WDR89: variants seen among roughly 807,000 people sequenced by gnomAD.
WDR89 encodes WD repeat domain 89, also known as WD repeat-containing protein 89.
Under a neutral mutation model 29.1 loss-of-function variants are expected in WDR89, and 17 were observed. The observed-to-expected ratio is 0.58, with a 90% CI of 0.40 to 0.88. The LOEUF is 0.88. Ranked by LOEUF, WDR89 falls within the 40% of genes least tolerant of loss-of-function variation. The pLI, the probability that WDR89 is intolerant of heterozygous loss-of-function variation, is 0.00. For missense variants in WDR89, 396 were observed against 456.3 expected (o/e 0.87, Z 1.20); for synonymous variants, 138 against 157.8 (o/e 0.87, Z 0.94).
intron 1 of WDR89, among the ~76,000 whole-genome samples, chr14:63,627,573 T>A (rs1566798923): frequency 6.6e-6 from 1 of 152,202 alleles, no homozygotes; most frequent in East Asian, 1.9e-4. Flanking sequence ...TATTCATCCC[T>A]CTGCTCATCC....
intron 1 of WDR89, among the ~76,000 whole-genome samples, chr14:63,633,506 C>T (rs1883537707): frequency 6.6e-6 from 1 of 152,116 alleles, no homozygotes; most frequent in African/African-American, 2.4e-5. Context: ...TTATTGACAG[C>T]TACAGACTTT....
At chr14:63,625,540 A>T (rs144839286) in intron 1 of WDR89, among the ~76,000 whole-genome samples, 1 of 152,196 alleles carries the variant, frequency 6.6e-6, no homozygotes. Context: ...CAAACAAAAC[A>T]TAAAAAGTCA....
In WDR89 at chr14:63,603,454, G is replaced by A. The variant is rs549956411; in HGVS notation, c.-31-3481C>T. On this transcript the variant is annotated intron_variant, in intron 2 of 2. Coordinates refer to ENST00000620954, the MANE Select transcript of WDR89 (RefSeq NM_080666.4). The stretch of plus-strand genomic sequence containing the variant: ...AACAACTTTCATCCAAAGAGTTCAG[G>A]ATCTATTAATTGTCCTTGCCTAAAT... Among the ~76,000 whole-genome samples the A allele has an allele frequency of 3.9e-5, 6 of 152,234 alleles. 1 individual carries two copies. The highest frequency in any genetic ancestry group is 2.1e-4 in the South Asian group (1 of 4,826).
intron 1 of WDR89, among the ~76,000 whole-genome samples, chr14:63,638,729 A>G (rs1366479278): frequency 6.6e-6 from 1 of 152,218 alleles, no homozygotes; most frequent in Non-Finnish European, 1.5e-5. Context: ...TTTCACAGTA[A>G]TAAGAAAGTC....
chr14:63,634,247 T>C (rs10149710), intron 1 of WDR89, among the ~76,000 whole-genome samples: 11,713 of 151,900 alleles, frequency 0.077, 820 homozygotes, highest in African/African-American at 0.19. Flanking sequence ...ACTGGCCAGG[T>C]GTGGTGGCTC....
At position 63,597,604 on chromosome 14, in the gene WDR89, A is replaced by G. The variant is rs1894853708; in HGVS notation, c.*1175T>C. 6.6e-6 allele frequency: 1 copy of G among 152,230 alleles called. No individual in the cohort carries two copies. The highest frequency in any genetic ancestry group is 6.5e-5 in the Admixed American group (1 of 15,276). 9.4% of individuals were successfully genotyped at this position (152,230 alleles called of 1,614,324 possible). A position where few individuals can be genotyped will look rare whatever the true frequency, so the allele number is the denominator to read the frequency against. ...TTTTAAAAAGCCCTATTGTTTTAAT[A>G]GTTTCACTTCCAATTGTTTTATGAA... is the stretch of plus-strand genomic sequence containing the variant. On this transcript the variant is annotated 3_prime_UTR_variant, in exon 3 of 3. Coordinates refer to ENST00000620954, the MANE Select transcript of WDR89 (RefSeq NM_080666.4).
chr14:63,640,683 G>T (rs1286101426), intron 1 of WDR89, among the ~76,000 whole-genome samples: 2 of 151,434 alleles, frequency 1.3e-5, no homozygotes, highest in Non-Finnish European at 3.0e-5. Context: ...TCACCATGTT[G>T]ACCAGGCTGG....
chr14:63,617,958 T>C (rs560656731), intron 2 of WDR89: 1 of 152,212 alleles, frequency 6.6e-6, no homozygotes, highest in African/African-American at 2.4e-5. Context: ...CTACTTATTT[T>C]GGGGGGAGAT....
intron 1 of WDR89, among the ~76,000 whole-genome samples, chr14:63,635,371 CA>C (rs1036604074): frequency 6.6e-6 from 1 of 152,098 alleles, no homozygotes; most frequent in Non-Finnish European, 1.5e-5. Context: ...GAATTAACAA[CA>C]AAAATCACAT....
At chr14:63,615,594 T>C (rs1427215386) in intron 2 of WDR89, among the ~76,000 whole-genome samples, 3 of 152,196 alleles carry the variant, frequency 2.0e-5, no homozygotes, top group African/African-American at 7.2e-5. Flanking sequence ...CTAACAACAT[T>C]AAATCTGCTC....
intron 2 of WDR89, chr14:63,617,927 A>G (rs1350033355): frequency 6.6e-6 from 1 of 152,236 alleles, no homozygotes; most frequent in African/African-American, 2.4e-5. Context: ...AAACAAATCT[A>G]TAATGGTAGA....
In WDR89 at chr14:63,605,181, TAC is replaced by T. The variant is rs1186492431; in HGVS notation, c.-31-5210_-31-5209del. On this transcript the variant is annotated intron_variant, in intron 2 of 2. Coordinates refer to ENST00000620954, the MANE Select transcript of WDR89 (RefSeq NM_080666.4). ...CTCTCTCTCTCTATATATATATATATACACACACACACACATATATACATACA... is the reference window on the plus strand; with the variant it reads ...CTCTCTCTCTCTATATATATATATATACACACACACACATATATACATACA... Among the ~76,000 whole-genome samples, 620 of 131,528 alleles carry T rather than the reference TAC, an allele frequency of 4.7e-3. 3 individuals carry two copies. Among genetic ancestry groups the T allele is most frequent in the African/African-American group, 0.02 (574 of 28,496 alleles). 86.3% of individuals were successfully genotyped at this position (131,528 alleles called of 152,430 possible). A position where few individuals can be genotyped will look rare whatever the true frequency, so the allele number is the denominator to read the frequency against.
At chr14:63,607,822 A>T (rs1283097485) in intron 2 of WDR89, among the ~76,000 whole-genome samples, 5 of 150,276 alleles carry the variant, frequency 3.3e-5, no homozygotes, top group Non-Finnish European at 5.9e-5. Context: ...CGGAGTTTGC[A>T]GTGAGCCAAG....
At chr14:63,641,689 C>G (rs1185565212) in intron 1 of WDR89, 115 bp downstream of exon 1, 1 of 152,522 alleles carries the variant, frequency 6.6e-6, no homozygotes, top group Admixed American at 6.5e-5. Flanking sequence ...TCCCTCCGCG[C>G]TCCCGCGATA....
chr14:63,608,340 T>G (rs1354106977), intron 2 of WDR89, among the ~76,000 whole-genome samples: 1 of 151,308 alleles, frequency 6.6e-6, no homozygotes, highest in Non-Finnish European at 1.5e-5. Flanking sequence ...CAGCCAGGAG[T>G]TCAAGACAAG....
intron 1 of WDR89, among the ~76,000 whole-genome samples, chr14:63,639,992 G>C (rs1883998601): frequency 6.6e-6 from 1 of 152,156 alleles, no homozygotes; most frequent in African/African-American, 2.4e-5. Context: ...TGAGAGAAAA[G>C]AACCCAAAAA....
At chr14:63,608,665 T>TGC (rs1566791756) in intron 2 of WDR89, among the ~76,000 whole-genome samples, 2 of 124,126 alleles carry the variant, frequency 1.6e-5, no homozygotes, top group African/African-American at 4.0e-5. Flanking sequence ...GTGTGGTGCA[T>TGC]GCACACACAC....
intron 2 of WDR89, among the ~76,000 whole-genome samples, chr14:63,603,747 C>T (rs1478044843): frequency 6.6e-6 from 1 of 152,170 alleles, no homozygotes; most frequent in Non-Finnish European, 1.5e-5. Context: ...TGAGAAACTC[C>T]GTGGAAGCAT....
chr14:63,629,105 A>C (rs1364328954), intron 1 of WDR89, among the ~76,000 whole-genome samples: 1 of 152,066 alleles, frequency 6.6e-6, no homozygotes, highest in Admixed American at 6.6e-5. Flanking sequence ...TCCCACTGCA[A>C]CCCAAGCTTA....
Sources: gnomAD v4.1 joint callset for allele counts (sites outside exome capture counted in the v4.1 genomes callset) on GRCh38, gnomAD v4.1.1 for gene constraint, MANE v1.5 for transcripts, NCBI Gene and HGNC (gene_info 2026-07-23, HGNC 2026-07-21) for gene names.